THRB: variants seen among roughly 807,000 people sequenced by gnomAD.
THRB encodes the protein nuclear receptor subfamily 1 group A member 2.
In THRB, 12 loss-of-function variants were observed where a neutral mutation model predicts 47.8. The observed-to-expected ratio is 0.25, with a 90% CI of 0.16 to 0.41. The LOEUF (loss-of-function observed/expected upper bound fraction) is 0.41. THRB is among the 10% of genes least tolerant of loss of function. The pLI is 1.00. For missense variants in THRB, 348 were observed against 589.2 expected, an observed-to-expected ratio of 0.59 and a Z score of 4.24; for synonymous variants, 218 against 212.2, an observed-to-expected ratio of 1.03 and a Z score of -0.24.
intron 4 of THRB, among the ~76,000 whole-genome samples, chr3:24,193,437 G>C (rs2043589444): frequency 2.0e-5 from 3 of 152,122 alleles, no homozygotes; most frequent in Non-Finnish European, 4.4e-5. Flanking sequence ...ATAAATTTAA[G>C]GTAAGAAAAT....
intron 1 of THRB, among the ~76,000 whole-genome samples, chr3:24,398,820 A>C (rs1287349274): frequency 6.6e-6 from 1 of 152,190 alleles, no homozygotes; most frequent in Non-Finnish European, 1.5e-5. Context: ...AAAGACTTGG[A>C]ACCAACCCAA....
chr3:24,431,259 T>TACA (rs1274928520), intron 1 of THRB, among the ~76,000 whole-genome samples: 30 of 79,864 alleles, frequency 3.8e-4, no homozygotes, highest in African/African-American at 9.5e-4. Flanking sequence ...TCTCTCTCTC[T>TACA]CTACACACAC....
At chr3:24,261,453 C>T (rs1005967199) in intron 3 of THRB, among the ~76,000 whole-genome samples, 5 of 137,846 alleles carry the variant, frequency 3.6e-5, no homozygotes, top group African/African-American at 5.4e-5. Flanking sequence ...GAGCGGAGAT[C>T]GTGCCACTGC....
chr3:24,404,655 C>T (rs932932316), intron 1 of THRB, among the ~76,000 whole-genome samples: 32 of 151,710 alleles, frequency 2.1e-4, no homozygotes, highest in Admixed American at 2.1e-3. Context: ...TTATTTATGG[C>T]AACATATAAA....
At chr3:24,289,745 C>T (rs2055727467) in intron 3 of THRB, among the ~76,000 whole-genome samples, 1 of 152,174 alleles carries the variant, frequency 6.6e-6, no homozygotes. Context: ...TTTTTTCTTT[C>T]ATGAAATCTC....
At chr3:24,486,430 T>C (rs1238630266) in intron 1 of THRB, 1 of 152,186 alleles carries the variant, frequency 6.6e-6, no homozygotes, top group African/African-American at 2.4e-5. Context: ...AGATGTCCCA[T>C]GCATTTGTGA....
Position 24,291,337 on chromosome 3 carries a change from T to C in THRB, c.-43+5889A>G, listed in dbSNP as rs2055897061. On this transcript the variant is annotated intron_variant, in intron 3 of 10. Transcript: ENST00000646209. ...ACACAGGGCTCTGCCTAGACATATT[T>C]AAATATAAAGTGCAAACTCCTCTTT... is the stretch of plus-strand genomic sequence containing the variant. Among the ~76,000 whole-genome samples the C allele has an allele frequency of 2.0e-5, 3 of 152,240 alleles. No homozygotes were observed. The South Asian group carries it at 6.2e-4, about 32-fold the overall frequency.
intron 3 of THRB, among the ~76,000 whole-genome samples, chr3:24,275,991 G>T (rs1018176253): frequency 6.6e-6 from 1 of 151,892 alleles, no homozygotes; most frequent in Non-Finnish European, 1.5e-5. Context: ...GAAATGTCCA[G>T]GGACTGCAAG....
intron 1 of THRB, among the ~76,000 whole-genome samples, chr3:24,361,146 C>T (rs1287273331): frequency 3.3e-5 from 5 of 152,126 alleles, no homozygotes; most frequent in African/African-American, 1.2e-4. Context: ...ACAAAATAAA[C>T]CACATCTGCT....
At chr3:24,450,750 A>C (rs2072569838) in intron 1 of THRB, among the ~76,000 whole-genome samples, 1 of 152,136 alleles carries the variant, frequency 6.6e-6, no homozygotes, top group African/African-American at 2.4e-5. Flanking sequence ...TTTTTGAGAG[A>C]GAGATTAAGG....
chr3:24,231,440 A>C (rs2048253098), intron 3 of THRB, among the ~76,000 whole-genome samples: 1 of 152,094 alleles, frequency 6.6e-6, no homozygotes, highest in African/African-American at 2.4e-5. Context: ...TCACCACAAA[A>C]TTTGGTACCA....
At chr3:24,439,467 AC>A (rs2071311317) in intron 1 of THRB, among the ~76,000 whole-genome samples, 2 of 152,142 alleles carry the variant, frequency 1.3e-5, no homozygotes, top group South Asian at 4.1e-4. Context: ...CCCCTACTTT[AC>A]AAAACCATAT....
At position 24,190,140 on chromosome 3, in the gene THRB, C is replaced by A. The variant is rs2043148990; in HGVS notation, c.217G>T (p.Asp73Tyr). Reference sequence around the variant, plus strand: ...GAGACACTCTGGTCGTTCACATCATCATGGTCCAGATGGAATATTGAGCTA... The same window carrying A: ...GAGACACTCTGGTCGTTCACATCATAATGGTCCAGATGGAATATTGAGCTA... The part of the protein sequence containing the change: ...WTSSIFHLDH[D>Y]DVNDQSVSSA... The change falls in exon 5 of 11, where the codon GAT (aspartate) becomes TAT (tyrosine). Residue 73 changes from aspartate to tyrosine, a missense_variant. Coordinates refer to ENST00000646209, the MANE Select transcript of THRB (RefSeq NM_001354712.2). The A allele has an allele frequency of 1.9e-6, 3 of 1,614,052 alleles. No individual in the cohort carries two copies. The highest frequency in any genetic ancestry group is 2.5e-6 in the Non-Finnish European group (3 of 1,179,946).
chr3:24,423,856 G>A (rs1328091159), intron 1 of THRB, among the ~76,000 whole-genome samples: 2 of 151,722 alleles, frequency 1.3e-5, no homozygotes, highest in South Asian at 4.1e-4. Flanking sequence ...ACCACAAAAG[G>A]TTCTCAGAGG....
chr3:24,164,913 A>G lies in THRB; in HGVS notation c.284-12423T>C, dbSNP rs905983902. 6.6e-6 allele frequency: 4 copies of G among 603,318 alleles called. No homozygotes were observed. The African/African-American group carries it at 7.4e-5, about 11-fold the overall frequency. 37.4% of individuals were successfully genotyped at this position (603,318 alleles called of 1,614,324 possible). On this transcript the variant is annotated intron_variant, in intron 5 of 10. Coordinates refer to ENST00000646209, the MANE Select transcript of THRB (RefSeq NM_001354712.2). ...CCTCTTACTGCCGTTTTTAATTTCA[A>G]ATATTTAGCGTTCAAATTCAAAGAT...
At chr3:24,396,682 T>C (rs575247413) in intron 1 of THRB, among the ~76,000 whole-genome samples, 1 of 152,276 alleles carries the variant, frequency 6.6e-6, no homozygotes, top group South Asian at 2.1e-4. Flanking sequence ...TAGGCTTCCA[T>C]GGCTCTTTCT....
chr3:24,438,495 G>C (rs534584348), intron 1 of THRB, among the ~76,000 whole-genome samples: 2 of 137,730 alleles, frequency 1.5e-5, no homozygotes, highest in Non-Finnish European at 3.2e-5. Context: ...CATTGTCAGA[G>C]AGAACAAAAA....
chr3:24,171,283 C>T (rs2040399425), intron 5 of THRB, among the ~76,000 whole-genome samples: 2 of 152,186 alleles, frequency 1.3e-5, no homozygotes, highest in African/African-American at 4.8e-5. Context: ...GGTCTGGAAT[C>T]TTCGGACTCA....
At chr3:24,419,174 A>G (rs2150266945) in intron 1 of THRB, among the ~76,000 whole-genome samples, 1 of 152,016 alleles carries the variant, frequency 6.6e-6, no homozygotes, top group African/African-American at 2.4e-5. Context: ...TATTGGGAAT[A>G]TTGGCAAAAT....
Sources: allele counts gnomAD v4.1 joint callset (sites outside exome capture counted in the v4.1 genomes callset), GRCh38; gene constraint gnomAD v4.1.1; transcripts MANE v1.5; gene names NCBI Gene and HGNC (gene_info 2026-07-23, HGNC 2026-07-21).